The following PTPRD variants were observed in gnomAD, a reference collection of about 807,000 sequenced individuals.
PTPRD encodes the protein protein tyrosine phosphatase receptor type D.
A neutral mutation model predicts 214.5 loss-of-function variants in PTPRD; 34 were observed. The ratio of observed to expected loss-of-function variants is 0.16; its 90% CI spans 0.12 to 0.21. The LOEUF is 0.21. Ranked by LOEUF, PTPRD falls within the 10% of genes least tolerant of loss-of-function variation. PTPRD has a pLI of 1.00. For missense variants in PTPRD, 2,545 were observed against 2,398.7 expected (o/e 1.06, Z -1.27); for synonymous variants, 1,128 against 845.7 (o/e 1.33, Z -5.79).
At chr9:9,693,701 C>T (rs543162275) in intron 7 of PTPRD, among the ~76,000 whole-genome samples, 2 of 152,186 alleles carry the variant, frequency 1.3e-5, no homozygotes, top group South Asian at 4.2e-4. Context: ...CTTTCTCTAC[C>T]TCCTCTTTAA....
intron 10 of PTPRD, among the ~76,000 whole-genome samples, chr9:9,076,320 A>C (rs933735704): frequency 2.3e-4 from 35 of 151,946 alleles, no homozygotes; most frequent in Non-Finnish European, 4.6e-4. Flanking sequence ...GATTGCAAAA[A>C]TTTTCCCCCG....
chr9:10,452,806 G>A (rs1403515240), intron 2 of PTPRD, among the ~76,000 whole-genome samples: 7 of 151,536 alleles, frequency 4.6e-5, no homozygotes, highest in Admixed American at 4.6e-4. Flanking sequence ...TGTTTCCATT[G>A]TTGTGCATAA....
chr9:10,074,656 T>C (rs1320835222), intron 3 of PTPRD, among the ~76,000 whole-genome samples: 1 of 152,118 alleles, frequency 6.6e-6, no homozygotes, highest in African/African-American at 2.4e-5. Context: ...GTTTTTGAGG[T>C]TATTCAGAAA....
intron 14 of PTPRD, among the ~76,000 whole-genome samples, chr9:8,614,804 C>T (rs116571683): frequency 1.4e-3 from 212 of 152,214 alleles, no homozygotes; most frequent in African/African-American, 4.9e-3. Flanking sequence ...CCAAAGTCTA[C>T]GACAGAGTTG....
intron 14 of PTPRD, among the ~76,000 whole-genome samples, chr9:8,543,245 G>A (rs2078958712): frequency 6.6e-6 from 1 of 152,074 alleles, no homozygotes; most frequent in African/African-American, 2.4e-5. Context: ...CTGACACATT[G>A]TTATAAATTT....
chr9:9,725,798 T>C (rs59002402), intron 7 of PTPRD, among the ~76,000 whole-genome samples: 2,542 of 152,290 alleles, frequency 0.017, 75 homozygotes, highest in African/African-American at 0.057. Context: ...TGGGGAACTG[T>C]AGGACATTTT....
At chr9:9,721,267 G>A (rs573758880) in intron 7 of PTPRD, among the ~76,000 whole-genome samples, 28 of 152,206 alleles carry the variant, frequency 1.8e-4, no homozygotes, top group Middle Eastern at 3.4e-3. Flanking sequence ...ATTATAAAAT[G>A]TATGTTCATT....
chr9:8,499,779 G>C lies in PTPRD; in HGVS notation c.2190C>G (p.Val730=), dbSNP rs777115184. The C allele has an allele frequency of 3.7e-6, 6 of 1,613,966 alleles. No individual in the cohort carries two copies. In the Admixed American group the frequency reaches 5.0e-5, roughly 13 times the overall value. Reference sequence around the variant, plus strand: ...TATTGGGCACGGGTGAGCGCCATGAGACTTTAACAGATGTTGAGTTGACAG... The same window carrying C: ...TATTGGGCACGGGTGAGCGCCATGACACTTTAACAGATGTTGAGTTGACAG... ...VEAVNSTSVK[V]SWRSPVPNKQ... is the part of the protein sequence containing the mutation. The change falls in exon 25 of 46, where the codon GTC becomes GTG. Residue 730 remains valine (V), a synonymous_variant. Transcript: ENST00000381196.
intron 9 of PTPRD, among the ~76,000 whole-genome samples, chr9:9,290,581 G>A (rs1232225877): frequency 6.6e-6 from 1 of 151,216 alleles, no homozygotes; most frequent in Non-Finnish European, 1.5e-5. Flanking sequence ...ATCATTTGTA[G>A]CCATTTATTA....
At chr9:9,883,074 A>G (rs2069365679) in intron 5 of PTPRD, among the ~76,000 whole-genome samples, 1 of 152,148 alleles carries the variant, frequency 6.6e-6, no homozygotes, top group Admixed American at 6.6e-5. Flanking sequence ...CTTCAGAACT[A>G]TGAGCCATAT....
chr9:9,260,881 CT>C (rs1352470619), intron 9 of PTPRD, among the ~76,000 whole-genome samples: 1 of 151,820 alleles, frequency 6.6e-6, no homozygotes, highest in Non-Finnish European at 1.5e-5. Flanking sequence ...AAAGTAATGA[CT>C]TTACTGCTCC....
intron 5 of PTPRD, among the ~76,000 whole-genome samples, chr9:9,862,029 C>T (rs528426831): frequency 2.0e-5 from 3 of 152,248 alleles, no homozygotes; most frequent in Admixed American, 2.0e-4. Context: ...AAGAAATTCA[C>T]TGATTCTTAA....
intron 4 of PTPRD, among the ~76,000 whole-genome samples, chr9:9,979,277 A>AAT (rs902584021): frequency 6.6e-5 from 10 of 152,098 alleles, no homozygotes; most frequent in African/African-American, 2.4e-4. Context: ...ATGAATGATT[A>AAT]TGGCAATATT....
chr9:10,245,966 G>C (rs532976753), intron 3 of PTPRD, among the ~76,000 whole-genome samples: 1 of 152,104 alleles, frequency 6.6e-6, no homozygotes, highest in Non-Finnish European at 1.5e-5. Context: ...CTATCCAAAA[G>C]CAAGAATTGA....
chr9:9,941,231 G>C (rs1015643255), intron 4 of PTPRD, among the ~76,000 whole-genome samples: 2 of 152,162 alleles, frequency 1.3e-5, no homozygotes, highest in South Asian at 4.1e-4. Flanking sequence ...ATGACTATGA[G>C]GGAAGGGAAA....
At chr9:8,960,416 A>T (rs563792601) in intron 11 of PTPRD, among the ~76,000 whole-genome samples, 1 of 152,084 alleles carries the variant, frequency 6.6e-6, no homozygotes, top group Non-Finnish European at 1.5e-5. Flanking sequence ...AGTAACAGGG[A>T]CGTGTACTAG....
intron 3 of PTPRD, among the ~76,000 whole-genome samples, chr9:10,230,458 A>ATCTATCTATCTATCTG (rs2099605441): frequency 8.1e-6 from 1 of 123,508 alleles, no homozygotes; most frequent in Non-Finnish European, 1.7e-5. Context: ...CTATCTATCT[A>ATCTATCTATCTATCTG]TCTATCTATC....
intron 9 of PTPRD, among the ~76,000 whole-genome samples, chr9:9,211,157 C>G (rs1450048238): frequency 6.6e-6 from 1 of 151,954 alleles, no homozygotes; most frequent in African/African-American, 2.4e-5. Flanking sequence ...GCCACACATA[C>G]AGACCCATCT....
rs139903848 is a variant in PTPRD at position 9,115,522 on chromosome 9, T to C, written c.-143+67782A>G. ...AAGTGAAAAGGCAATGCTTATACAC[T>C]GTTGGTGGGAATGTAAATTACTACA... On this transcript the variant is annotated intron_variant, in intron 10 of 45. Coordinates refer to ENST00000381196, the MANE Select transcript of PTPRD (RefSeq NM_002839.4). Among the ~76,000 whole-genome samples the C allele has an allele frequency of 1.9e-3, 296 of 152,278 alleles. 1 individual carries two copies. Among genetic ancestry groups the C allele is most frequent in the African/African-American group, 6.7e-3 (280 of 41,572 alleles).
Sources: gnomAD v4.1 joint callset for allele counts (sites outside exome capture counted in the v4.1 genomes callset) on GRCh38, gnomAD v4.1.1 for gene constraint, MANE v1.5 for transcripts, NCBI Gene and HGNC (gene_info 2026-07-23, HGNC 2026-07-21) for gene names.